Variants in BATF observed in about 807,000 individuals in gnomAD.
BATF encodes basic leucine zipper ATF-like transcription factor.
In BATF, 5 loss-of-function variants were observed where a neutral mutation model predicts 13.7. That is an observed-to-expected ratio of 0.36 (90% CI 0.19 to 0.77). The LOEUF is 0.77. Ranked by LOEUF, BATF falls within the 30% of genes least tolerant of loss-of-function variation. The probability of loss-of-function intolerance (pLI) is 0.51; values close to 1 mark genes in which losing one functional copy is unlikely to be tolerated. For synonymous variants in BATF, 72 were observed against 67.5 expected, an observed-to-expected ratio of 1.07 and a Z score of -0.33; for missense variants, 124 against 163.0, an observed-to-expected ratio of 0.76 and a Z score of 1.30.
chr14:75,544,254 T>A (rs925439138), intron 2 of BATF, among the ~76,000 whole-genome samples: 6 of 151,996 alleles, frequency 3.9e-5, no homozygotes, highest in South Asian at 2.1e-4. Flanking sequence ...AAAAAAAAAA[T>A]TATTATTATT....
intron 2 of BATF, among the ~76,000 whole-genome samples, chr14:75,532,929 T>C (rs570131195): frequency 1.2e-4 from 19 of 152,208 alleles, no homozygotes; most frequent in African/African-American, 4.6e-4. Context: ...CAGTTATGAG[T>C]GGTTGAGTTT....
Position 75,522,751 on chromosome 14 carries a change from GTCC to G in BATF, c.63+11_63+13del. 1.2e-6 allele frequency: 2 copies of G among 1,614,178 alleles called. No homozygotes were observed. Among genetic ancestry groups the G allele is most frequent in the Non-Finnish European group, 1.7e-6 (2 of 1,179,992 alleles). The stretch of plus-strand genomic sequence containing the variant: ...CTCCTCCCCCTGGCAAACAGGTAGA[GTCC>G]TCCTTTTTCTCTCTCCTACCTTCTG... On this transcript the variant is annotated splice_region_variant and intron_variant, in intron 1 of 2. Transcript: ENST00000286639.
At chr14:75,541,920 T>G (rs1046308179) in intron 2 of BATF, among the ~76,000 whole-genome samples, 2 of 152,026 alleles carry the variant, frequency 1.3e-5, no homozygotes, top group Non-Finnish European at 2.9e-5. Context: ...CACCTCAGCC[T>G]CCCAAAGTGC....
intron 2 of BATF, among the ~76,000 whole-genome samples, chr14:75,539,612 A>G (rs563974845): frequency 1.7e-4 from 26 of 152,038 alleles, no homozygotes; most frequent in African/African-American, 6.0e-4. Flanking sequence ...CTGTGACTAG[A>G]CAGGTCCCTG....
At chr14:75,530,042 A>T (rs1182730128) in intron 2 of BATF, among the ~76,000 whole-genome samples, 5 of 144,170 alleles carry the variant, frequency 3.5e-5, no homozygotes, top group Non-Finnish European at 7.6e-5. Context: ...CCAGCCTGGG[A>T]GACAGAGCGA....
chr14:75,542,197 G>A (rs1188637131), intron 2 of BATF, among the ~76,000 whole-genome samples: 1 of 152,186 alleles, frequency 6.6e-6, no homozygotes, highest in Non-Finnish European at 1.5e-5. Context: ...CATTTTGGAG[G>A]GTATGTGGCA....
At chr14:75,536,792 A>G (rs561135096) in intron 2 of BATF, among the ~76,000 whole-genome samples, 1 of 145,046 alleles carries the variant, frequency 6.9e-6, no homozygotes, top group South Asian at 2.2e-4. Flanking sequence ...CAGGAACTGG[A>G]TGGGGCATGT....
intron 1 of BATF, among the ~76,000 whole-genome samples, chr14:75,524,739 G>A (rs927876784): frequency 2.0e-5 from 3 of 151,452 alleles, no homozygotes; most frequent in Non-Finnish European, 2.9e-5. Context: ...AAAGTGAGAG[G>A]GCGAGGGTGG....
chr14:75,529,012 A>G (rs1414878148), intron 2 of BATF, among the ~76,000 whole-genome samples: 2 of 152,256 alleles, frequency 1.3e-5, no homozygotes, highest in Non-Finnish European at 2.9e-5. Context: ...ATGTAAAGTT[A>G]GCAATTTTCC....
Position 75,522,548 on chromosome 14 carries a change from C to T in BATF, c.-135C>T. 2.2e-6 allele frequency: 2 copies of T among 900,786 alleles called. No individual in the cohort carries two copies. Among genetic ancestry groups the T allele is most frequent in the Non-Finnish European group, 3.5e-6 (2 of 565,192 alleles). 55.8% of individuals were successfully genotyped at this position (900,786 alleles called of 1,614,324 possible). A position where few individuals can be genotyped will look rare whatever the true frequency, so the allele number is the denominator to read the frequency against. On this transcript the variant is annotated 5_prime_UTR_variant, in exon 1 of 3. Transcript: ENST00000286639. ...AGGACGCAGGGGTCAGAGGTGGCTA[C>T]AGGGCAGGCAGAGGAGGCACCTGTA...
chr14:75,536,562 C>CA (rs1008284778), intron 2 of BATF, among the ~76,000 whole-genome samples: 3 of 151,054 alleles, frequency 2.0e-5, no homozygotes, highest in African/African-American at 4.9e-5. Context: ...CCCATCTCTA[C>CA]AAAAAAAAAT....
chr14:75,525,373 G>T (rs1887635894), intron 2 of BATF, among the ~76,000 whole-genome samples, 185 bp downstream of exon 2: 1 of 151,832 alleles, frequency 6.6e-6, no homozygotes, highest in Admixed American at 6.6e-5. Context: ...CTTTAAGAAG[G>T]CTCTGTAGTC....
At chr14:75,530,768 C>T (rs1444613669) in intron 2 of BATF, among the ~76,000 whole-genome samples, 2 of 152,166 alleles carry the variant, frequency 1.3e-5, no homozygotes, top group Admixed American at 6.5e-5. Flanking sequence ...CCCACCTTGG[C>T]CTCCCAAAGT....
At chr14:75,540,067 A>C (rs1319960757) in intron 2 of BATF, among the ~76,000 whole-genome samples, 2 of 152,176 alleles carry the variant, frequency 1.3e-5, no homozygotes, top group African/African-American at 4.8e-5. Context: ...GAAAATACAC[A>C]GGGACTATTT....
chr14:75,523,658 G>A (rs1294560925), intron 1 of BATF, among the ~76,000 whole-genome samples: 3 of 152,180 alleles, frequency 2.0e-5, no homozygotes, highest in Admixed American at 6.5e-5. Flanking sequence ...ACATGTATCC[G>A]TGGGTTAAAA....
intron 2 of BATF, among the ~76,000 whole-genome samples, chr14:75,546,157 C>T (rs1049383483): frequency 1.3e-5 from 2 of 152,166 alleles, no homozygotes; most frequent in East Asian, 1.9e-4. Flanking sequence ...CCACCGCGCC[C>T]GGCCTGAAAT....
intron 2 of BATF, among the ~76,000 whole-genome samples, chr14:75,536,254 T>A (rs1427410254): frequency 1.3e-5 from 2 of 152,162 alleles, no homozygotes; most frequent in Non-Finnish European, 2.9e-5. Flanking sequence ...CCTGAGGCCC[T>A]GGAATTTGAG....
intron 1 of BATF, among the ~76,000 whole-genome samples, chr14:75,523,728 G>C (rs1272122676): frequency 1.3e-5 from 2 of 152,050 alleles, no homozygotes; most frequent in South Asian, 2.1e-4. Context: ...TATCCACAAG[G>C]GTTTTCAAAA....
chr14:75,531,236 T>C (rs1887726565), intron 2 of BATF, among the ~76,000 whole-genome samples: 1 of 152,188 alleles, frequency 6.6e-6, no homozygotes. Flanking sequence ...CAGTACTATA[T>C]GATAAAAGAT....
Sources: allele counts gnomAD v4.1 joint callset (sites outside exome capture counted in the v4.1 genomes callset), GRCh38; gene constraint gnomAD v4.1.1; transcripts MANE v1.5; gene names NCBI Gene and HGNC (gene_info 2026-07-23, HGNC 2026-07-21).